ANKRD18A: variants seen among roughly 807,000 people sequenced by gnomAD.
ANKRD18A encodes ankyrin repeat domain-containing protein 18A.
In ANKRD18A, 72 loss-of-function variants were observed where a neutral mutation model predicts 110.6. The observed-to-expected ratio is 0.65, with a 90% CI of 0.54 to 0.79. The LOEUF is 0.79. Ranked by LOEUF, ANKRD18A falls within the 30% of genes least tolerant of loss-of-function variation. The probability of loss-of-function intolerance (pLI) is 0.00; values close to 1 mark genes in which losing one functional copy is unlikely to be tolerated. For synonymous variants in ANKRD18A, 305 were observed against 410.3 expected (o/e 0.74, Z 3.10); for missense variants, 934 against 1,163.3 (o/e 0.80, Z 2.87).
chr9:38,574,720 C>A (rs1823804058), intron 15 of ANKRD18A, among the ~76,000 whole-genome samples: 1 of 152,086 alleles, frequency 6.6e-6, no homozygotes, highest in African/African-American at 2.4e-5. Context: ...TAATAAATAT[C>A]TATATGTTGT....
At chr9:38,567,595 C>T, downstream of ANKRD18A, 5 of 152,810 alleles carry the variant, frequency 3.3e-5, no homozygotes, top group Non-Finnish European at 4.4e-5. Flanking sequence ...ATGTTGCCTG[C>T]TCTCCATGAC....
chr9:38,613,762 C>T (rs1252849332), intron 3 of ANKRD18A, among the ~76,000 whole-genome samples: 1 of 152,154 alleles, frequency 6.6e-6, no homozygotes, highest in Non-Finnish European at 1.5e-5. Context: ...GTCCCTAATA[C>T]AACTGCAACT....
intron 12 of ANKRD18A, among the ~76,000 whole-genome samples, chr9:38,579,477 T>A (rs1370066943): frequency 2.0e-5 from 3 of 151,956 alleles, no homozygotes; most frequent in African/African-American, 7.3e-5. Flanking sequence ...TAAACAAAAA[T>A]AATCTGAGTT....
intron 1 of ANKRD18A, among the ~76,000 whole-genome samples, chr9:38,619,020 A>G (rs1326288618): frequency 4.0e-5 from 6 of 150,852 alleles, no homozygotes; most frequent in African/African-American, 1.5e-4. Flanking sequence ...TAGTAAAAAT[A>G]TATATAGGAA....
intron 12 of ANKRD18A, among the ~76,000 whole-genome samples, chr9:38,584,059 G>C (rs1824272561): frequency 6.6e-6 from 1 of 152,232 alleles, no homozygotes; most frequent in Admixed American, 6.5e-5. Context: ...GGCCTCTTCA[G>C]CTCCTGTGTG....
Position 38,610,253 on chromosome 9 carries a change from C to G in ANKRD18A, c.740+20G>C, listed in dbSNP as rs1825549664. 1.3e-6 allele frequency: 2 copies of G among 1,503,490 alleles called. No individual in the cohort carries two copies. Among genetic ancestry groups the G allele is most frequent in the Non-Finnish European group, 8.9e-7 (1 of 1,129,780 alleles). 93.1% of individuals were successfully genotyped at this position (1,503,490 alleles called of 1,614,324 possible). A position where few individuals can be genotyped will look rare whatever the true frequency, so the allele number is the denominator to read the frequency against. On this transcript the variant is annotated intron_variant, in intron 5 of 15. Coordinates refer to ENST00000399703, the MANE Select transcript of ANKRD18A (RefSeq NM_147195.4). ...AAACCTTAATTTAGTATTAACCGGT[C>G]TTTTAATATAAGCACATACCTTCTC...
intron 15 of ANKRD18A, among the ~76,000 whole-genome samples, chr9:38,574,547 C>A (rs1279262594): frequency 6.6e-6 from 1 of 152,008 alleles, no homozygotes; most frequent in African/African-American, 2.4e-5. Flanking sequence ...AAACTCCTGT[C>A]CTCAGGTGAT....
intron 10 of ANKRD18A, among the ~76,000 whole-genome samples, chr9:38,590,170 CTTCT>C (rs1824579469): frequency 6.7e-6 from 1 of 149,372 alleles, no homozygotes; most frequent in South Asian, 2.1e-4. Context: ...TTTCTTTTTC[CTTCT>C]TTCTCTCTTT....
intron 12 of ANKRD18A, among the ~76,000 whole-genome samples, chr9:38,585,375 C>T (rs1291922247): frequency 2.0e-5 from 3 of 152,162 alleles, no homozygotes; most frequent in Non-Finnish European, 4.4e-5. Flanking sequence ...TTGTTAGCCC[C>T]TCCTTTTTGA....
chr9:38,596,108 TTG>T lies in ANKRD18A; in HGVS notation c.1230_1231del (p.His410GlnfsTer8). ...AACTTCAGCTTCTAGTCTTTCTTTG[TTG>T]TGTTTTTCCTTCTCCAATTCTGAAT... On this transcript the variant is annotated frameshift_variant, in exon 9 of 16. Transcript: ENST00000399703. LOFTEE classifies it high-confidence loss of function. 2 of 1,551,312 alleles carry T rather than the reference TTG, an allele frequency of 1.3e-6. No homozygotes were observed. The highest frequency in any genetic ancestry group is 1.7e-6 in the Non-Finnish European group (2 of 1,146,712).
intron 12 of ANKRD18A, 31 bp from the exon 13 acceptor site, chr9:38,578,179 T>C (rs1823992974): frequency 1.3e-6 from 2 of 1,516,312 alleles, no homozygotes; most frequent in Middle Eastern, 1.7e-4. Context: ...AGCTTGATAA[T>C]GAAGTAGGCT....
chr9:38,573,762 T>C (rs1823762500), intron 15 of ANKRD18A, among the ~76,000 whole-genome samples: 1 of 152,192 alleles, frequency 6.6e-6, no homozygotes, highest in Non-Finnish European at 1.5e-5. Flanking sequence ...CATTTTGCAA[T>C]GAATGAATGC....
chr9:38,609,394 T>C (rs1019580078), intron 5 of ANKRD18A, among the ~76,000 whole-genome samples: 4 of 151,856 alleles, frequency 2.6e-5, no homozygotes, highest in African/African-American at 9.7e-5. Context: ...GGCAGGAGAA[T>C]AGCGTGAACC....
At position 38,611,235 on chromosome 9, in the gene ANKRD18A, A is replaced by T. The variant is rs1428164086; in HGVS notation, c.582T>A (p.His194Gln). The change falls in exon 4 of 16, where the codon CAT (histidine) becomes CAA (glutamine). Residue 194 changes from histidine (H) to glutamine (Q), a missense_variant. By Grantham distance (24) the His-to-Gln change is conservative. Transcript: ENST00000399703. ...TGCACCTTTTGAAATTGTCAACGGC[A>T]TGTATATTTGCCTGGTTCTTCAATA... ...EFLLKNQANI[H>Q]AVDNFKRTAL... is the part of the protein sequence containing the mutation. 6.6e-7 allele frequency: 1 copy of T among 1,524,816 alleles called. No homozygotes were observed. Among genetic ancestry groups the T allele is most frequent in the African/African-American group, 1.4e-5 (1 of 70,996 alleles). The allele number at this position is 1,524,816 out of a possible 1,614,324, so 94.5% of individuals were successfully genotyped here.
intron 5 of ANKRD18A, among the ~76,000 whole-genome samples, chr9:38,609,245 C>T (rs1241840918): frequency 2.6e-5 from 4 of 151,956 alleles, no homozygotes; most frequent in South Asian, 2.1e-4. Flanking sequence ...TTTAGGAGGC[C>T]GAGGAGGGTG....
chr9:38,609,593 A>G lies in ANKRD18A; in HGVS notation c.740+680T>C, dbSNP rs555674469. ...AAGGGCATCCTGGTGGCAAAAGTCA[A>G]TCATTACCAGATTGCAGGACCAGTT... is the stretch of plus-strand genomic sequence containing the variant. On this transcript the variant is annotated intron_variant, in intron 5 of 15. Transcript: ENST00000399703. Among the ~76,000 whole-genome samples the G allele has an allele frequency of 3.2e-4, 48 of 152,186 alleles. 2 individuals carry two copies. The South Asian group carries it at 9.8e-3, about 31-fold the overall frequency.
intron 10 of ANKRD18A, among the ~76,000 whole-genome samples, chr9:38,591,912 G>C (rs888234712): frequency 1.3e-5 from 2 of 152,194 alleles, no homozygotes; most frequent in East Asian, 1.9e-4. Context: ...CCCAGCAGCT[G>C]TTGCTGTGGC....
At chr9:38,619,108 A>G (rs931178198) in intron 1 of ANKRD18A, among the ~76,000 whole-genome samples, 1 of 151,918 alleles carries the variant, frequency 6.6e-6, no homozygotes, top group East Asian at 1.9e-4. Context: ...TGCTAAATCA[A>G]CTTTCAGAAT....
At chr9:38,586,347 T>C in intron 11 of ANKRD18A, 35 bp from the exon 12 acceptor site, 1 of 1,463,932 alleles carries the variant, frequency 6.8e-7, no homozygotes, top group Non-Finnish European at 9.2e-7. Flanking sequence ...GTCAAGTATT[T>C]TTAAGAGTAA....
Sources: allele counts gnomAD v4.1 joint callset (sites outside exome capture counted in the v4.1 genomes callset), GRCh38; gene constraint gnomAD v4.1.1; transcripts MANE v1.5; gene names NCBI Gene and HGNC (gene_info 2026-07-23, HGNC 2026-07-21).